Variants in PRUNE2 observed in about 807,000 individuals in gnomAD.
PRUNE2 encodes protein prune homolog 2.
Under a neutral mutation model 252.0 loss-of-function variants are expected in PRUNE2, and 164 were observed. The ratio of observed to expected loss-of-function variants is 0.65; its 90% CI spans 0.57 to 0.74. The LOEUF (loss-of-function observed/expected upper bound fraction) is 0.74. Ranked by LOEUF, PRUNE2 falls within the 30% of genes least tolerant of loss-of-function variation. The pLI, the probability that PRUNE2 is intolerant of heterozygous loss-of-function variation, is 0.00. For missense variants in PRUNE2, 3,495 were observed against 3,711.0 expected (o/e 0.94, Z 1.51); for synonymous variants, 1,292 against 1,350.2 (o/e 0.96, Z 0.94).
intron 15 of PRUNE2, among the ~76,000 whole-genome samples, chr9:76,631,728 C>T (rs535816372): frequency 2.9e-4 from 44 of 152,302 alleles, no homozygotes; most frequent in African/African-American, 1.0e-3. Flanking sequence ...CATGGGTAAA[C>T]TGCATGTCAC....
intron 11 of PRUNE2, among the ~76,000 whole-genome samples, chr9:76,647,789 C>T (rs1054191461): frequency 1.3e-5 from 2 of 152,108 alleles, no homozygotes; most frequent in African/African-American, 4.8e-5. Context: ...TGGTGAAACC[C>T]TGTTTCTACT....
chr9:76,766,228 A>G (rs576219682), intron 6 of PRUNE2, among the ~76,000 whole-genome samples: 1 of 152,042 alleles, frequency 6.6e-6, no homozygotes, highest in South Asian at 2.1e-4. Context: ...AGTAAATGCA[A>G]TATCATTTTT....
chr9:76,769,094 G>A (rs1438234995), intron 6 of PRUNE2, among the ~76,000 whole-genome samples: 1 of 152,070 alleles, frequency 6.6e-6, no homozygotes, highest in Non-Finnish European at 1.5e-5. Context: ...TTGACAGTTT[G>A]AGAGATATTC....
intron 6 of PRUNE2, among the ~76,000 whole-genome samples, chr9:76,795,795 A>G (rs1261901314): frequency 6.6e-6 from 1 of 152,198 alleles, no homozygotes; most frequent in East Asian, 1.9e-4. Context: ...CCATTAATTC[A>G]AAGCCCCAGG....
intron 9 of PRUNE2, among the ~76,000 whole-genome samples, chr9:76,680,917 A>G (rs752855777): frequency 1.2e-4 from 19 of 152,318 alleles, no homozygotes; most frequent in Admixed American, 7.2e-4. Context: ...TGAGAACAGC[A>G]GCGGGAAGTC....
intron 6 of PRUNE2, among the ~76,000 whole-genome samples, chr9:76,811,735 C>A (rs1244204769): frequency 1.3e-5 from 2 of 152,072 alleles, no homozygotes; most frequent in African/African-American, 4.8e-5. Flanking sequence ...ACGCCCATGC[C>A]CTCAAAGGTG....
chr9:76,843,498 C>A (rs1486767624), intron 4 of PRUNE2, among the ~76,000 whole-genome samples: 12 of 152,072 alleles, frequency 7.9e-5, no homozygotes, highest in Non-Finnish European at 1.5e-4. Context: ...AAATGTGCAT[C>A]AAAGTGATGA....
intron 6 of PRUNE2, among the ~76,000 whole-genome samples, chr9:76,775,103 C>T (rs1346539259): frequency 1.3e-5 from 2 of 152,104 alleles, no homozygotes; most frequent in South Asian, 4.1e-4. Context: ...CTAAGCTGAA[C>T]CGAATAGGAC....
intron 6 of PRUNE2, among the ~76,000 whole-genome samples, chr9:76,813,003 T>C (rs2057457956): frequency 6.6e-6 from 1 of 152,220 alleles, no homozygotes; most frequent in Admixed American, 6.5e-5. Context: ...AATCGTGCCA[T>C]TATATCTACT....
Position 76,707,886 on chromosome 9 carries a change from A to G in PRUNE2, c.4388T>C (p.Leu1463Pro). The G allele has an allele frequency of 6.2e-7, 1 of 1,613,864 alleles. No individual in the cohort carries two copies. The highest frequency in any genetic ancestry group is 8.5e-7 in the Non-Finnish European group (1 of 1,179,840). The change falls in exon 8 of 19, where the codon CTT becomes CCT. Residue 1463 changes from leucine to proline, a missense_variant. Coordinates refer to ENST00000376718, the MANE Select transcript of PRUNE2 (RefSeq NM_015225.3). ...TKYVSVPEKDLEKTEECNFLE... is the reference protein window; with the variant it reads ...TKYVSVPEKDPEKTEECNFLE... The stretch of plus-strand genomic sequence containing the variant: ...AAAGTTACATTCTTCAGTTTTCTCA[A>G]GATCCTTTTCAGGTACAGATACATA...
Position 76,710,246 on chromosome 9 carries a change from C to G in PRUNE2, c.2028G>C (p.Gln676His), listed in dbSNP as rs1209054026. ...ATTCAGGGCTCTGGAAAACAGATTC[C>G]TGTTCACTGGAACTCCACGCATCTG... ...NIADAWSSSE[Q>H]ESVFQSPESW... Residue 676 changes from glutamine (Q) to histidine (H), a missense_variant, in exon 8 of 19, where the codon CAG (glutamine) becomes CAC (histidine). Physicochemically the swap from Gln to His is conservative, Grantham distance 24 (BLOSUM62 0). Coordinates refer to ENST00000376718, the MANE Select transcript of PRUNE2 (RefSeq NM_015225.3). 6.2e-7 allele frequency: 1 copy of G among 1,613,992 alleles called. No homozygotes were observed.
At chr9:76,638,161 G>A (rs192500226) in intron 13 of PRUNE2, 25 bp downstream of exon 13, 17 of 1,452,682 alleles carry the variant, frequency 1.2e-5, no homozygotes, top group Non-Finnish European at 9.7e-7. Flanking sequence ...TTAACTCAAA[G>A]CACTTTGTCA....
intron 4 of PRUNE2, among the ~76,000 whole-genome samples, chr9:76,836,171 T>A (rs1481396497): frequency 1.3e-5 from 2 of 151,560 alleles, no homozygotes; most frequent in Non-Finnish European, 2.9e-5. Context: ...ATTTAATGGA[T>A]CTTAAATTTG....
rs113326644 is a variant in PRUNE2 at position 76,823,861 on chromosome 9, A to AACACAC, written c.662-141_662-136dup. ...TCAAATGTCACTTTTATCCACAATA[A>AACACAC]ACACACACACACACACTAAGGCAAT... On this transcript the variant is annotated intron_variant, in intron 5 of 18. Transcript: ENST00000376718. 1.5e-5 allele frequency: 9 copies of AACACAC among 603,604 alleles called. No individual in the cohort carries two copies. In the South Asian group the frequency reaches 1.6e-4, roughly 11 times the overall value. The allele number at this position is 603,604 out of a possible 1,614,324, so 37.4% of individuals were successfully genotyped here. A position where few individuals can be genotyped will look rare whatever the true frequency, so the allele number is the denominator to read the frequency against.
chr9:76,879,826 G>A (rs936876698), intron 1 of PRUNE2, among the ~76,000 whole-genome samples: 3 of 125,670 alleles, frequency 2.4e-5, no homozygotes, highest in Admixed American at 8.8e-5. Context: ...ACAAGGCCCC[G>A]TTTTTTATTT....
chr9:76,749,127 G>C (rs374751257), intron 6 of PRUNE2, among the ~76,000 whole-genome samples: 4 of 152,254 alleles, frequency 2.6e-5, no homozygotes, highest in Middle Eastern at 3.4e-3. Context: ...ACAAGACGTC[G>C]GTTCCATGTA....
At position 76,614,208 on chromosome 9, in the gene PRUNE2, C is replaced by A; in HGVS notation, c.*362G>T. On this transcript the variant is annotated 3_prime_UTR_variant, in exon 19 of 19. Transcript: ENST00000376718. ...ATCACCAAAAGGAAATCCAGCTAAT[C>A]TATGGAAACAAATCCACTCATACTT... 1 of 243,130 alleles carries A rather than the reference C, an allele frequency of 4.1e-6. No individual in the cohort carries two copies. The highest frequency in any genetic ancestry group is 7.9e-6 in the Non-Finnish European group (1 of 127,186). The allele number at this position is 243,130 out of a possible 1,614,324, so 15.1% of individuals were successfully genotyped here.
At chr9:76,788,088 T>C (rs2055188978) in intron 6 of PRUNE2, among the ~76,000 whole-genome samples, 1 of 152,244 alleles carries the variant, frequency 6.6e-6, no homozygotes, top group South Asian at 2.1e-4. Flanking sequence ...TAAAGTTCTT[T>C]GTGCCCTCAC....
chr9:76,761,666 GA>G (rs939120601), intron 6 of PRUNE2, among the ~76,000 whole-genome samples: 1 of 152,142 alleles, frequency 6.6e-6, no homozygotes, highest in African/African-American at 2.4e-5. Context: ...ATTTCCATTA[GA>G]AAGTGAAAGT....
Sources: allele counts gnomAD v4.1 joint callset (sites outside exome capture counted in the v4.1 genomes callset), GRCh38; gene constraint gnomAD v4.1.1; transcripts MANE v1.5; gene names NCBI Gene and HGNC (gene_info 2026-07-23, HGNC 2026-07-21).